TRIM71: variants seen among roughly 807,000 people sequenced by gnomAD.
The protein encoded by TRIM71 is E3 ubiquitin-protein ligase TRIM71.
TRIM71 carries 9 observed loss-of-function variants against 61.2 expected under a neutral mutation model. The observed-to-expected ratio is 0.15, with a 90% CI of 0.09 to 0.26. The LOEUF is 0.26. Ranked by LOEUF, TRIM71 falls within the 10% of genes least tolerant of loss-of-function variation. The probability of loss-of-function intolerance (pLI) is 1.00; values close to 1 mark genes in which losing one functional copy is unlikely to be tolerated. For synonymous variants in TRIM71, 645 were observed against 553.2 expected (o/e 1.17, Z -2.33); for missense variants, 998 against 1,238.7 (o/e 0.81, Z 2.92).
At chr3:32,870,870 T>C (rs899449930) in intron 1 of TRIM71, among the ~76,000 whole-genome samples, 2 of 152,158 alleles carry the variant, frequency 1.3e-5, no homozygotes, top group Non-Finnish European at 2.9e-5. Flanking sequence ...CTAAATTCAG[T>C]GCCATGGTCA....
In TRIM71 at chr3:32,894,395, C is replaced by G. The variant is rs1049009334; in HGVS notation, c.*2584C>G. 2 of 152,170 alleles carry G rather than the reference C, an allele frequency of 1.3e-5. No individual in the cohort carries two copies. The highest frequency in any genetic ancestry group is 2.4e-5 in the African/African-American group (1 of 41,522). The allele number at this position is 152,170 out of a possible 1,614,324, so 9.4% of individuals were successfully genotyped here. On this transcript the variant is annotated 3_prime_UTR_variant, in exon 4 of 4. Coordinates refer to ENST00000383763, the MANE Select transcript of TRIM71 (RefSeq NM_001039111.3). ...TTTGACATTTTACTATGGATGTGAT[C>G]GAAAAGCCAAGATTTTCGCTCCATG...
chr3:32,849,232 T>C lies in TRIM71; in HGVS notation c.853-24586T>C, dbSNP rs576864317. Among the ~76,000 whole-genome samples, 6 of 152,316 alleles carry C rather than the reference T, an allele frequency of 3.9e-5. No individual in the cohort carries two copies. In the East Asian group the frequency reaches 1.2e-3, roughly 29 times the overall value. ...TACTTGGTAGTTAAACATTGTTTCA[T>C]GGTGAAGGTAGAGCGAGTTCATTTA... On this transcript the variant is annotated intron_variant, in intron 1 of 3. Transcript: ENST00000383763.
intron 1 of TRIM71, among the ~76,000 whole-genome samples, chr3:32,855,451 C>A (rs927216325): frequency 3.9e-5 from 6 of 151,992 alleles, no homozygotes; most frequent in Non-Finnish European, 8.8e-5. Flanking sequence ...CACAGTGACC[C>A]CCAGGAGTGA....
chr3:32,893,612 CCT>C lies in TRIM71; in HGVS notation c.*1804_*1805del, dbSNP rs1480537422. The C allele has an allele frequency of 6.6e-6, 1 of 152,184 alleles. No homozygotes were observed. Among genetic ancestry groups the C allele is most frequent in the Non-Finnish European group, 1.5e-5 (1 of 68,040 alleles). The allele number at this position is 152,184 out of a possible 1,614,324, so 9.4% of individuals were successfully genotyped here. On this transcript the variant is annotated 3_prime_UTR_variant, in exon 4 of 4. Coordinates refer to ENST00000383763, the MANE Select transcript of TRIM71 (RefSeq NM_001039111.3). Reference sequence around the variant, plus strand: ...AAAGACTTATGGATCAACTTCTGTTCCTCTGTTTAAGAGAAATTTCTATTGCA... The same window carrying C: ...AAAGACTTATGGATCAACTTCTGTTCCTGTTTAAGAGAAATTTCTATTGCA...
At chr3:32,855,696 A>C (rs1449734602) in intron 1 of TRIM71, among the ~76,000 whole-genome samples, 1 of 152,136 alleles carries the variant, frequency 6.6e-6, no homozygotes, top group African/African-American at 2.4e-5. Context: ...GCACAGCAGG[A>C]GGGAGACCCT....
intron 1 of TRIM71, among the ~76,000 whole-genome samples, chr3:32,839,735 A>G (rs888014525): frequency 2.0e-5 from 3 of 151,420 alleles, no homozygotes; most frequent in Non-Finnish European, 4.4e-5. Flanking sequence ...TTGGTTTCTC[A>G]TGTCTAATTC....
intron 3 of TRIM71, among the ~76,000 whole-genome samples, chr3:32,887,467 T>C (rs1241134469): frequency 1.3e-5 from 2 of 149,764 alleles, no homozygotes; most frequent in East Asian, 4.0e-4. Context: ...CCTCTCTCTT[T>C]GACTAATTAC....
At chr3:32,848,474 G>A (rs1696500134) in intron 1 of TRIM71, among the ~76,000 whole-genome samples, 1 of 152,194 alleles carries the variant, frequency 6.6e-6, no homozygotes, top group South Asian at 2.1e-4. Context: ...AATCATCAGG[G>A]CATGAAGCCG....
intron 1 of TRIM71, among the ~76,000 whole-genome samples, chr3:32,857,791 C>T (rs1308159154): frequency 5.3e-5 from 8 of 152,192 alleles, no homozygotes; most frequent in South Asian, 4.1e-4. Context: ...GCCAACATGG[C>T]GAAACCGTGT....
At chr3:32,838,648 TG>T (rs1489267175) in intron 1 of TRIM71, among the ~76,000 whole-genome samples, 1 of 152,082 alleles carries the variant, frequency 6.6e-6, no homozygotes, top group African/African-American at 2.4e-5. Context: ...TAAAGCTCTT[TG>T]GTCCTTGGAG....
chr3:32,890,449 C>T lies in TRIM71; in HGVS notation c.1245C>T (p.Ile415=), dbSNP rs748381311. The change falls in exon 4 of 4, where the codon ATC becomes ATT. Residue 415 remains isoleucine (I), a synonymous_variant. Coordinates refer to ENST00000383763, the MANE Select transcript of TRIM71 (RefSeq NM_001039111.3). This position sits in a 1 kb window ranked among gnomAD's most constrained non-coding sequence, Gnocchi z 6.2. The part of the protein sequence containing the change: ...RQNLNKLEST[I]SAVQQVLEEG... Reference sequence around the variant, plus strand: ...ACCTCAACAAGCTTGAGAGCACCATCAGTGCCGTGCAGCAGGTCCTGGAGG... The same window carrying T: ...ACCTCAACAAGCTTGAGAGCACCATTAGTGCCGTGCAGCAGGTCCTGGAGG... The T allele has an allele frequency of 1.9e-6, 3 of 1,614,246 alleles. No homozygotes were observed. Among genetic ancestry groups the T allele is most frequent in the East Asian group, 2.2e-5 (1 of 44,882 alleles).
At chr3:32,889,608 A>G (rs1697001269) in intron 3 of TRIM71, among the ~76,000 whole-genome samples, 1 of 130,724 alleles carries the variant, frequency 7.6e-6, no homozygotes, top group African/African-American at 2.8e-5. Context: ...TATTATTTTG[A>G]GACGGAGTCT....
intron 1 of TRIM71, among the ~76,000 whole-genome samples, chr3:32,871,841 C>T (rs1210038189): frequency 6.6e-6 from 1 of 152,178 alleles, no homozygotes. Context: ...ACCACATTTC[C>T]CTTGTATAAA....
chr3:32,821,868 G>A (rs1696138483), intron 1 of TRIM71, among the ~76,000 whole-genome samples: 1 of 151,908 alleles, frequency 6.6e-6, no homozygotes, highest in South Asian at 2.1e-4. Context: ...TGGGGACGTG[G>A]CCTGGCCGGC....
At chr3:32,863,340 T>G (rs1217865735) in intron 1 of TRIM71, among the ~76,000 whole-genome samples, 1 of 151,588 alleles carries the variant, frequency 6.6e-6, no homozygotes, top group Non-Finnish European at 1.5e-5. Flanking sequence ...GCTGTGACTA[T>G]AGGCATGCCC....
At position 32,862,314 on chromosome 3, in the gene TRIM71, T is replaced by TTC. The variant is rs199671192; in HGVS notation, c.853-11501_853-11500dup. 2.1e-3 allele frequency among the ~76,000 whole-genome samples: 322 copies of TTC among 152,372 alleles called. 5 individuals are homozygous for TTC. Among genetic ancestry groups the TTC allele is most frequent in the East Asian group, 1.2e-3 (6 of 5,188 alleles). ...ACTAACAGTTTTTATTACTAGTGTATTCTCATCTGAGTCTGTATTTCTGCT... is the reference window on the plus strand; with the variant it reads ...ACTAACAGTTTTTATTACTAGTGTATTCTCTCATCTGAGTCTGTATTTCTGCT... On this transcript the variant is annotated intron_variant, in intron 1 of 3. Transcript: ENST00000383763.
chr3:32,832,837 T>C lies in TRIM71; in HGVS notation c.852+13905T>C, dbSNP rs1351194813. ...TTGATAACATTGAAGAAATAATTGGTGTATCAGGGGCCAGAGCCACATTAA... is the reference window on the plus strand; with the variant it reads ...TTGATAACATTGAAGAAATAATTGGCGTATCAGGGGCCAGAGCCACATTAA... On this transcript the variant is annotated intron_variant, in intron 1 of 3. Transcript: ENST00000383763. 2.6e-5 allele frequency among the ~76,000 whole-genome samples: 4 copies of C among 152,168 alleles called. No individual in the cohort carries two copies. In the East Asian group the frequency reaches 7.7e-4, roughly 29 times the overall value.
At chr3:32,855,532 C>G (rs1696590661) in intron 1 of TRIM71, among the ~76,000 whole-genome samples, 1 of 152,126 alleles carries the variant, frequency 6.6e-6, no homozygotes, top group Admixed American at 6.5e-5. Context: ...CTCTAGCCCT[C>G]CTCTTTTGCT....
chr3:32,896,248 A>G lies in TRIM71; in HGVS notation c.*4437A>G, dbSNP rs563011984. On this transcript the variant is annotated 3_prime_UTR_variant, in exon 4 of 4. Transcript: ENST00000383763. ...GCAATTCTAAAGGTCTAGATCTTGG[A>G]AACATCAAATATTTGAAGGGAATGA... 1 of 152,312 alleles carries G rather than the reference A, an allele frequency of 6.6e-6. No homozygotes were observed. Among genetic ancestry groups the G allele is most frequent in the Admixed American group, 6.5e-5 (1 of 15,300 alleles). 9.4% of individuals were successfully genotyped at this position (152,312 alleles called of 1,614,324 possible).
Sources: gnomAD v4.1 joint callset for allele counts (sites outside exome capture counted in the v4.1 genomes callset) on GRCh38, gnomAD v4.1.1 for gene constraint, Gnocchi (gnomAD v3.1) non-coding constraint, MANE v1.5 for transcripts, NCBI Gene and HGNC (gene_info 2026-07-23, HGNC 2026-07-21) for gene names.